FHIT: variants seen among roughly 807,000 people sequenced by gnomAD.
FHIT encodes bis(5'-adenosyl)-triphosphatase.
A neutral mutation model predicts 17.9 loss-of-function variants in FHIT; 19 were observed. The observed-to-expected ratio is 1.06, with a 90% CI of 0.74 to 1.56. The LOEUF (loss-of-function observed/expected upper bound fraction) is 1.56, where lower values mean the gene tolerates loss of function less well. Among genes scored for constraint, FHIT ranks in the 40% most tolerant of loss-of-function variants. The pLI, the probability that FHIT is intolerant of heterozygous loss-of-function variation, is 0.00. For synonymous variants in FHIT, 81 were observed against 69.7 expected (o/e 1.16, Z -0.81); for missense variants, 248 against 189.2 (o/e 1.31, Z -1.82).
intron 4 of FHIT, among the ~76,000 whole-genome samples, chr3:60,542,952 A>T (rs1290526119): frequency 6.6e-6 from 1 of 152,122 alleles, no homozygotes; most frequent in Non-Finnish European, 1.5e-5. Context: ...AAACGGCTTC[A>T]TTTTTCTTTT....
chr3:60,124,572 C>G (rs935884473), intron 5 of FHIT, among the ~76,000 whole-genome samples: 3 of 152,232 alleles, frequency 2.0e-5, no homozygotes, highest in Admixed American at 6.5e-5. Flanking sequence ...TTGTTCTATA[C>G]ACTATATCAA....
At chr3:60,948,627 C>T (rs1364828539) in intron 3 of FHIT, among the ~76,000 whole-genome samples, 1 of 152,122 alleles carries the variant, frequency 6.6e-6, no homozygotes, top group Non-Finnish European at 1.5e-5. Flanking sequence ...ATCTCAGCTA[C>T]TAAGGAGAAT....
intron 5 of FHIT, 134 bp from the exon 6 acceptor site, chr3:60,014,286 A>G: frequency 1.3e-6 from 1 of 791,648 alleles, no homozygotes. Context: ...AGAAACAGAT[A>G]TTTACCATCC....
chr3:60,641,443 G>A lies in FHIT; in HGVS notation c.-17-104464C>T, dbSNP rs75390719. 3.3e-3 allele frequency among the ~76,000 whole-genome samples: 498 copies of A among 152,224 alleles called. 12 individuals are homozygous for A. In the East Asian group the frequency reaches 0.055, roughly 17 times the overall value. On this transcript the variant is annotated intron_variant, in intron 4 of 9. Transcript: ENST00000492590. ...CACTTTGAAGATTAAAATACCCACA[G>A]CATCAAAATGGCTATGTCAAAATGT... is the stretch of plus-strand genomic sequence containing the variant.
At chr3:60,416,932 C>T (rs1034923638) in intron 5 of FHIT, among the ~76,000 whole-genome samples, 1 of 151,604 alleles carries the variant, frequency 6.6e-6, no homozygotes, top group Non-Finnish European at 1.5e-5. Flanking sequence ...TAAAAAAATA[C>T]AAAAAAATTA....
intron 8 of FHIT, among the ~76,000 whole-genome samples, chr3:59,796,258 C>T (rs1218820218): frequency 6.6e-6 from 1 of 152,122 alleles, no homozygotes; most frequent in Admixed American, 6.5e-5. Context: ...GAATGAAATG[C>T]AAATCCCTTA....
chr3:60,037,341 A>T (rs111275977), intron 5 of FHIT, among the ~76,000 whole-genome samples: 1 of 152,150 alleles, frequency 6.6e-6, no homozygotes. Context: ...GTTGATAAAC[A>T]ATCTAGATGG....
intron 2 of FHIT, among the ~76,000 whole-genome samples, chr3:61,080,789 G>A (rs1398021292): frequency 6.6e-6 from 1 of 151,988 alleles, no homozygotes; most frequent in Non-Finnish European, 1.5e-5. Flanking sequence ...GATTAGTGGG[G>A]CATTTCCCAC....
At chr3:59,857,705 G>GTTGTTTTT (rs1702218342) in intron 8 of FHIT, among the ~76,000 whole-genome samples, 1 of 115,436 alleles carries the variant, frequency 8.7e-6, no homozygotes, top group Non-Finnish European at 1.7e-5. Flanking sequence ...AAAGTGCTGG[G>GTTGTTTTT]TTTTTTTTTT....
At chr3:60,071,172 G>C (rs529251568) in intron 5 of FHIT, among the ~76,000 whole-genome samples, 1 of 152,218 alleles carries the variant, frequency 6.6e-6, no homozygotes, top group East Asian at 1.9e-4. Context: ...CTGAGCACCT[G>C]AATTGTGGCT....
intron 4 of FHIT, among the ~76,000 whole-genome samples, chr3:60,678,851 G>T (rs921221128): frequency 6.6e-6 from 1 of 150,802 alleles, no homozygotes; most frequent in African/African-American, 2.4e-5. Context: ...CATTTGTTTT[G>T]TCTGCTCTCT....
At position 60,177,839 on chromosome 3, in the gene FHIT, A is replaced by T. The variant is rs148050516; in HGVS notation, c.104-163687T>A. ...ATACTGTCATTTCCTTTGCTTTGTC[A>T]CAATCACATTTTGGTATAGGCTGGA... On this transcript the variant is annotated intron_variant, in intron 5 of 9. Coordinates refer to ENST00000492590, the MANE Select transcript of FHIT (RefSeq NM_002012.4). Among the ~76,000 whole-genome samples the T allele has an allele frequency of 1.7e-3, 265 of 152,304 alleles. 1 individual carries two copies. The highest frequency in any genetic ancestry group is 6.0e-3 in the African/African-American group (251 of 41,572).
intron 4 of FHIT, among the ~76,000 whole-genome samples, chr3:60,554,688 A>T (rs2036683562): frequency 6.6e-6 from 1 of 152,158 alleles, no homozygotes; most frequent in Admixed American, 6.5e-5. Context: ...TTAAAAATAA[A>T]TACCAAAAGA....
intron 5 of FHIT, among the ~76,000 whole-genome samples, chr3:60,447,091 C>T (rs894869653): frequency 5.3e-5 from 8 of 152,076 alleles, no homozygotes; most frequent in Non-Finnish European, 7.4e-5. Flanking sequence ...GCTCCTTGAG[C>T]CAAAACCCAG....
chr3:61,226,815 A>G (rs932726358), intron 1 of FHIT, among the ~76,000 whole-genome samples: 16 of 152,204 alleles, frequency 1.1e-4, no homozygotes, highest in African/African-American at 3.9e-4. Flanking sequence ...GACTTTTTTC[A>G]TCCTCCAGCC....
intron 2 of FHIT, among the ~76,000 whole-genome samples, chr3:61,100,518 C>A (rs1177256008): frequency 6.6e-6 from 1 of 152,156 alleles, no homozygotes; most frequent in Non-Finnish European, 1.5e-5. Context: ...CTGCAATACA[C>A]ATACATGTGC....
chr3:59,794,174 A>T (rs1284475358), intron 8 of FHIT, among the ~76,000 whole-genome samples: 1 of 152,240 alleles, frequency 6.6e-6, no homozygotes, highest in Admixed American at 6.5e-5. Flanking sequence ...ATCTGAGAAC[A>T]TCTGCAATTC....
At chr3:61,047,780 A>G (rs1352701546) in intron 2 of FHIT, among the ~76,000 whole-genome samples, 2 of 151,974 alleles carry the variant, frequency 1.3e-5, no homozygotes, top group Non-Finnish European at 1.5e-5. Flanking sequence ...AAACAGAGAT[A>G]TAGACCAATG....
At chr3:59,761,121 A>G (rs1474482672) in intron 8 of FHIT, among the ~76,000 whole-genome samples, 1 of 152,134 alleles carries the variant, frequency 6.6e-6, no homozygotes, top group South Asian at 2.1e-4. Context: ...GATTGGAACG[A>G]TCTTGCCCAA....
Sources: gnomAD v4.1 joint callset for allele counts (sites outside exome capture counted in the v4.1 genomes callset) on GRCh38, gnomAD v4.1.1 for gene constraint, MANE v1.5 for transcripts, NCBI Gene and HGNC (gene_info 2026-07-23, HGNC 2026-07-21) for gene names.